DMBT1: variants seen among roughly 807,000 people sequenced by gnomAD.
DMBT1 encodes the protein deleted in malignant brain tumors 1.
In DMBT1, 198 loss-of-function variants were observed where a neutral mutation model predicts 252.9. That is an observed-to-expected ratio of 0.78 (90% confidence interval 0.70 to 0.88). The LOEUF is 0.88. DMBT1 is among the 40% of genes least tolerant of loss of function. The pLI, the probability that DMBT1 is intolerant of heterozygous loss-of-function variation, is 0.00. For missense variants in DMBT1, 2,432 were observed against 2,404.7 expected (o/e 1.01, Z -0.24); for synonymous variants, 990 against 942.7 (o/e 1.05, Z -0.92).
At chr10:122,584,868 T>C (rs1205024949) in intron 14 of DMBT1, among the ~76,000 whole-genome samples, 1 of 149,130 alleles carries the variant, frequency 6.7e-6, no homozygotes, top group Non-Finnish European at 1.5e-5. Context: ...GGGAGAGGGA[T>C]AATAAATATT....
chr10:122,573,105 C>T (rs1457913248), intron 5 of DMBT1, among the ~76,000 whole-genome samples: 2 of 152,156 alleles, frequency 1.3e-5, no homozygotes, highest in Non-Finnish European at 2.9e-5. Context: ...AGACGAGTTT[C>T]TGGTTAAACT....
chr10:122,579,238 A>G (rs907411003), intron 9 of DMBT1, among the ~76,000 whole-genome samples: 1 of 152,092 alleles, frequency 6.6e-6, no homozygotes, highest in African/African-American at 2.4e-5. Context: ...GTCAGATCCC[A>G]GATAGGACCA....
At chr10:122,587,323 AAC>A (rs1276133243) in intron 16 of DMBT1, among the ~76,000 whole-genome samples, 1 of 148,548 alleles carries the variant, frequency 6.7e-6, no homozygotes, top group Non-Finnish European at 1.5e-5. Context: ...TCAGACCGGA[AAC>A]ACAAGGCTGG....
intron 42 of DMBT1, 67 bp from the exon 43 acceptor site, chr10:122,620,185 GA>G: frequency 2.0e-6 from 3 of 1,538,408 alleles, no homozygotes; most frequent in Non-Finnish European, 2.7e-6. Context: ...GCCTGGTTCA[GA>G]GATTTTTTTT....
rs781698139 is a variant in DMBT1, at chr10:122,621,274, T to C, written c.5502T>C (p.Asp1834=). Residue 1834 remains aspartate, a synonymous_variant, in exon 44 of 56, where the codon GAT becomes GAC. Coordinates refer to ENST00000338354, the MANE Select transcript of DMBT1 (RefSeq NM_001377530.1). ...FGQGSGPIVL[D]DVRCSGNESY... is the part of the protein sequence containing the mutation. ...AGGGCTCAGGACCCATTGTCCTGGA[T>C]GATGTGCGCTGCTCAGGGAATGAGT... 9.7e-5 allele frequency: 157 copies of C among 1,613,708 alleles called. No homozygotes were observed. Among genetic ancestry groups the C allele is most frequent in the Non-Finnish European group, 2.1e-5 (25 of 1,179,764 alleles).
In DMBT1 at chr10:122,593,240, A is replaced by G. The variant is rs184766739; in HGVS notation, c.2501-329A>G. On this transcript the variant is annotated intron_variant, in intron 20 of 55. Transcript: ENST00000338354. ...TGCCTGTGGTCGGGGCTTGAAGATC[A>G]CACAAGGGATTTTGGCTGGAGTGGC... Among the ~76,000 whole-genome samples the G allele has an allele frequency of 8.4e-3, 1,246 of 148,646 alleles. 63 individuals carry two copies. Among genetic ancestry groups the G allele is most frequent in the African/African-American group, 0.029 (1,189 of 41,120 alleles).
rs779346078 is a variant in DMBT1 at position 122,633,204 on chromosome 10, C to G, written c.6411C>G (p.Cys2137Trp). 2 of 1,613,906 alleles carry G rather than the reference C, an allele frequency of 1.2e-6. No individual in the cohort carries two copies. Among genetic ancestry groups the G allele is most frequent in the South Asian group, 1.1e-5 (1 of 91,064 alleles). ...TTGTCCTGACAGCAGATTATTCCTG[C>G]GGAGGCTTCCTATCCCAACCATCAG... ...NITRPNTDYS[C>W]GGFLSQPSGD... The change falls in exon 52 of 56, where the codon TGC becomes TGG. Residue 2137 changes from cysteine (C) to tryptophan (W), a missense_variant. Physicochemically the swap from Cys to Trp is radical, Grantham distance 215. Coordinates refer to ENST00000338354, the MANE Select transcript of DMBT1 (RefSeq NM_001377530.1).
intron 43 of DMBT1, among the ~76,000 whole-genome samples, chr10:122,620,542 C>T (rs568073637): frequency 2.0e-5 from 3 of 152,316 alleles, no homozygotes; most frequent in African/African-American, 7.2e-5. Context: ...GTGCTCAGGA[C>T]AAGCCCTGGA....
intron 27 of DMBT1, among the ~76,000 whole-genome samples, chr10:122,600,505 A>T (rs1429480639): frequency 2.6e-5 from 4 of 152,230 alleles, no homozygotes; most frequent in Non-Finnish European, 5.9e-5. Context: ...TGCTGGAAAC[A>T]TTCCGAGATT....
In DMBT1 at chr10:122,600,076, G is replaced by A. The variant is rs191098913; in HGVS notation, c.3293G>A (p.Arg1098Gln). The change falls in exon 27 of 56, where the codon CGG becomes CAG. Residue 1098 changes from arginine to glutamine, a missense_variant. Coordinates refer to ENST00000338354, the MANE Select transcript of DMBT1 (RefSeq NM_001377530.1). ...AGVICSASQS[R>Q]PTPSPDTWPT... ...CTCTTTCTCACAGCTTCCCAGTCCC[G>A]GCCAACACCTAGTCCAGGTGGGTCC... 977 of 1,606,782 alleles carry A rather than the reference G, an allele frequency of 6.1e-4. 75 individuals are homozygous for A. The African/African-American group carries it at 0.01, about 17-fold the overall frequency.
At chr10:122,640,017 G>A (rs371470682) in intron 54 of DMBT1, 23 bp from the exon 55 acceptor site, 1 of 1,605,538 alleles carries the variant, frequency 6.2e-7, no homozygotes, top group Non-Finnish European at 8.5e-7. Flanking sequence ...GCCTGACTCT[G>A]CTCTCTTGCC....
chr10:122,579,485 T>C, intron 9 of DMBT1, 93 bp from the exon 10 acceptor site: 1 of 1,593,394 alleles, frequency 6.3e-7, no homozygotes, highest in Non-Finnish European at 8.5e-7. Context: ...CTAGGTGACT[T>C]AGTTCATTAG....
At position 122,598,854 on chromosome 10, in the gene DMBT1, T is replaced by G. The variant is rs1460424109; in HGVS notation, c.3037T>G (p.Ser1013Ala). The change falls in exon 26 of 56, where the codon TCC (serine) becomes GCC (alanine). Residue 1013 changes from serine to alanine, a missense_variant. Coordinates refer to ENST00000338354, the MANE Select transcript of DMBT1 (RefSeq NM_001377530.1). ...CCGAGTGGAGGTCCTATACCAAGGC[T>G]CCTGGGGCACCGTGTGCGATGACAG... ...QGRVEVLYQG[S>A]WGTVCDDSWD... 2 of 1,613,760 alleles carry G rather than the reference T, an allele frequency of 1.2e-6. No individual in the cohort carries two copies. Among genetic ancestry groups the G allele is most frequent in the Non-Finnish European group, 1.7e-6 (2 of 1,179,778 alleles).
In DMBT1 at chr10:122,634,372, C is replaced by CTTTCTT. The variant is rs765237847; in HGVS notation, c.6548+1033_6548+1038dup. On this transcript the variant is annotated intron_variant, in intron 52 of 55. Transcript: ENST00000338354. Reference sequence around the variant, plus strand: ...TCTTTCTTTCTTTCTTTCTTTCTTTCTTTCTTTCTTTCTTTCTTTCTTTCT... The same window carrying CTTTCTT: ...TCTTTCTTTCTTTCTTTCTTTCTTTCTTTCTTTTTCTTTCTTTCTTTCTTTCTTTCT... Among the ~76,000 whole-genome samples the CTTTCTT allele has an allele frequency of 5.4e-4, 69 of 127,620 alleles. 1 individual carries two copies. The highest frequency in any genetic ancestry group is 1.9e-3 in the African/African-American group (63 of 33,552). 83.7% of individuals were successfully genotyped at this position (127,620 alleles called of 152,430 possible).
chr10:122,597,456 G>A (rs960035797), intron 24 of DMBT1, among the ~76,000 whole-genome samples: 1 of 152,186 alleles, frequency 6.6e-6, no homozygotes, highest in Admixed American at 6.5e-5. Context: ...CCACAGGCAA[G>A]CAATGTCAGT....
At chr10:122,591,668 C>G (rs540660592) in intron 19 of DMBT1, among the ~76,000 whole-genome samples, 151 bp downstream of exon 19, 4 of 148,522 alleles carry the variant, frequency 2.7e-5, no homozygotes, top group African/African-American at 9.7e-5. Flanking sequence ...TCTGGGGAAC[C>G]AGTCCCGGGT....
Position 122,587,125 on chromosome 10 carries a change from A to T in DMBT1, c.1783+742A>T, listed in dbSNP as rs2097796725. 2.0e-5 allele frequency among the ~76,000 whole-genome samples: 3 copies of T among 148,322 alleles called. No homozygotes were observed. In the South Asian group the frequency reaches 6.9e-4, roughly 34 times the overall value. On this transcript the variant is annotated intron_variant, in intron 16 of 55. Coordinates refer to ENST00000338354, the MANE Select transcript of DMBT1 (RefSeq NM_001377530.1). ...CCCAACATGAGTCTTAGATGGGACA[A>T]ACATCCAAACTATAGCATGCTGCCT...
Position 122,600,087 on chromosome 10 carries a change from A to C in DMBT1, c.3304A>C (p.Ser1102Arg). 6.2e-7 allele frequency: 1 copy of C among 1,606,522 alleles called. No homozygotes were observed. Among genetic ancestry groups the C allele is most frequent in the Non-Finnish European group, 8.5e-7 (1 of 1,178,096 alleles). Residue 1102 changes from serine to arginine, a missense_variant, in exon 27 of 56, where the codon AGT (serine) becomes CGT (arginine). Coordinates refer to ENST00000338354, the MANE Select transcript of DMBT1 (RefSeq NM_001377530.1). ...CSASQSRPTPSPDTWPTSHAS... is the reference protein window; with the variant it reads ...CSASQSRPTPRPDTWPTSHAS... ...AGCTTCCCAGTCCCGGCCAACACCT[A>C]GTCCAGGTGGGTCCCCAGTGTCCTT...
At chr10:122,570,357 G>A (rs761844881) in intron 3 of DMBT1, 148 bp downstream of exon 3, 2 of 740,284 alleles carry the variant, frequency 2.7e-6, no homozygotes. Flanking sequence ...TACAATGCCT[G>A]GGGTGTGCCC....
Sources: allele counts gnomAD v4.1 joint callset (sites outside exome capture counted in the v4.1 genomes callset), GRCh38; gene constraint gnomAD v4.1.1; transcripts MANE v1.5; gene names NCBI Gene and HGNC (gene_info 2026-07-23, HGNC 2026-07-21).